Variants in ASIC2 observed in about 807,000 individuals in gnomAD.
The protein encoded by ASIC2 is acid-sensing ion channel 2.
In ASIC2, 25 loss-of-function variants were observed where a neutral mutation model predicts 57.3. That is an observed-to-expected ratio of 0.44 (90% confidence interval 0.32 to 0.61). The LOEUF is 0.61. ASIC2 is among the 20% of genes least tolerant of loss of function. The pLI is 0.06. For missense variants in ASIC2, 641 were observed against 738.1 expected (o/e 0.87, Z 1.52); for synonymous variants, 319 against 307.5 (o/e 1.04, Z -0.39).
chr17:33,758,076 CAT>C (rs1158007193), intron 1 of ASIC2, among the ~76,000 whole-genome samples: 1 of 152,220 alleles, frequency 6.6e-6, no homozygotes, highest in African/African-American at 2.4e-5. Context: ...TGATGAAACT[CAT>C]GACTTGCTGC....
At chr17:33,706,513 C>T (rs548680581) in intron 1 of ASIC2, among the ~76,000 whole-genome samples, 3 of 152,142 alleles carry the variant, frequency 2.0e-5, no homozygotes, top group South Asian at 2.1e-4. Context: ...TATCAGCCAC[C>T]GTGCCCAGCC....
At chr17:33,742,964 A>G (rs1004417060) in intron 1 of ASIC2, among the ~76,000 whole-genome samples, 3 of 152,184 alleles carry the variant, frequency 2.0e-5, no homozygotes, top group Admixed American at 1.3e-4. Flanking sequence ...GTATTTTTCC[A>G]GTTCCTGTTG....
At chr17:33,953,772 C>T (rs529725204) in intron 1 of ASIC2, among the ~76,000 whole-genome samples, 11 of 152,094 alleles carry the variant, frequency 7.2e-5, no homozygotes, top group South Asian at 6.2e-4. Context: ...GTGGCTTGGA[C>T]GGGAGAATGT....
chr17:34,090,037 C>T (rs551862757), intron 1 of ASIC2, among the ~76,000 whole-genome samples: 1 of 152,304 alleles, frequency 6.6e-6, no homozygotes, highest in Non-Finnish European at 1.5e-5. Context: ...CAGATCACAC[C>T]ACAGTCTGAT....
intron 1 of ASIC2, among the ~76,000 whole-genome samples, chr17:33,172,730 G>A (rs1335180673): frequency 6.6e-6 from 1 of 152,196 alleles, no homozygotes; most frequent in African/African-American, 2.4e-5. Flanking sequence ...GGTTCTCAAA[G>A]TGTGGCCCCC....
At chr17:34,041,837 C>T (rs1169177302) in intron 1 of ASIC2, among the ~76,000 whole-genome samples, 1 of 152,198 alleles carries the variant, frequency 6.6e-6, no homozygotes, top group Non-Finnish European at 1.5e-5. Context: ...TAGTCTTTCA[C>T]CTTTAATATT....
chr17:33,577,823 ACTCCTACC>A (rs939176466), intron 1 of ASIC2, among the ~76,000 whole-genome samples: 1 of 151,916 alleles, frequency 6.6e-6, no homozygotes, highest in African/African-American at 2.4e-5. Context: ...CATCCGTGAA[ACTCCTACC>A]CTTCTGCCTA....
chr17:33,139,113 T>C (rs1257016099), intron 1 of ASIC2, among the ~76,000 whole-genome samples: 1 of 152,208 alleles, frequency 6.6e-6, no homozygotes, highest in East Asian at 1.9e-4. Context: ...CTTTTGACTG[T>C]CAGAGTCTCC....
At chr17:33,855,817 G>A (rs755374754) in intron 1 of ASIC2, among the ~76,000 whole-genome samples, 25 of 152,174 alleles carry the variant, frequency 1.6e-4, no homozygotes, top group Non-Finnish European at 3.4e-4. Context: ...ACTCAGAATG[G>A]CCAACTCTAC....
chr17:33,785,014 C>T (rs963753019), intron 1 of ASIC2, among the ~76,000 whole-genome samples: 5 of 152,004 alleles, frequency 3.3e-5, no homozygotes, highest in Admixed American at 2.0e-4. Flanking sequence ...ATCACATTCC[C>T]CCAAAAATTC....
chr17:34,028,066 G>A (rs1284856361), intron 1 of ASIC2, among the ~76,000 whole-genome samples: 1 of 152,220 alleles, frequency 6.6e-6, no homozygotes, highest in African/African-American at 2.4e-5. Flanking sequence ...TTCACAGCTT[G>A]AAAAGAATGG....
At chr17:33,266,368 A>T (rs1909459283) in intron 1 of ASIC2, among the ~76,000 whole-genome samples, 1 of 152,240 alleles carries the variant, frequency 6.6e-6, no homozygotes. Context: ...TGCCTGATGA[A>T]AGAATGAAAA....
At position 33,220,387 on chromosome 17, in the gene ASIC2, C is replaced by G. The variant is rs1185788737; in HGVS notation, c.708+71021G>C. ...AGTGTGAAGGCCACTGTCATTTCCC[C>G]TAGAGTCTCCTGTTCTCCTTGCTAA... On this transcript the variant is annotated intron_variant, in intron 1 of 9. Coordinates refer to ENST00000225823, the MANE Select transcript of ASIC2 (RefSeq NM_183377.2). Among the ~76,000 whole-genome samples, 5 of 152,312 alleles carry G rather than the reference C, an allele frequency of 3.3e-5. No individual in the cohort carries two copies. The East Asian group carries it at 9.7e-4, about 29-fold the overall frequency.
At chr17:33,041,752 T>A (rs2091930543) in intron 3 of ASIC2, among the ~76,000 whole-genome samples, 1 of 152,182 alleles carries the variant, frequency 6.6e-6, no homozygotes, top group Admixed American at 6.5e-5. Flanking sequence ...GGCTCTACAA[T>A]GAGGTGGGCT....
intron 1 of ASIC2, among the ~76,000 whole-genome samples, chr17:33,712,635 GCT>G (rs1909077973): frequency 8.1e-6 from 1 of 123,320 alleles, no homozygotes; most frequent in African/African-American, 3.2e-5. Context: ...TACTCATATG[GCT>G]TTTTTTTTTT....
At chr17:33,606,421 G>A (rs764700082) in intron 1 of ASIC2, among the ~76,000 whole-genome samples, 3 of 152,188 alleles carry the variant, frequency 2.0e-5, no homozygotes, top group Admixed American at 6.5e-5. Flanking sequence ...TTCCAGGTGT[G>A]AAGCTTGGGG....
rs556578291 is a variant in ASIC2 at position 34,039,931 on chromosome 17, G to C, written c.555+116047C>G. On this transcript the variant is annotated intron_variant, in intron 1 of 9. Transcript: ENST00000359872. ...CTCCTCCCTGGAGGGACCCCGACCC[G>C]ACCCGGCTGCGGACCGCTCCGCTCT... is the stretch of plus-strand genomic sequence containing the variant. 9.5e-5 allele frequency: 138 copies of C among 1,452,868 alleles called. No individual in the cohort carries two copies. In the African/African-American group the frequency reaches 1.8e-3, roughly 19 times the overall value. The allele number at this position is 1,452,868 out of a possible 1,614,324, so 90.0% of individuals were successfully genotyped here.
intron 1 of ASIC2, chr17:33,692,194 A>C (rs1159866520): frequency 6.6e-6 from 1 of 152,122 alleles, no homozygotes; most frequent in African/African-American, 2.4e-5. Flanking sequence ...CCTGCACCCC[A>C]AAAAATGTTG....
rs35302745 is a variant in ASIC2, at chr17:33,582,977, G to A, written c.556-470910C>T. ...ATCAGCAAATAACGTTACTAATGCT[G>A]CAAATGAGTGGGGCTGGGTGGGGTT... On this transcript the variant is annotated intron_variant, in intron 1 of 9. Coordinates refer to the ASIC2 transcript ENST00000359872. Among the ~76,000 whole-genome samples the A allele has an allele frequency of 6.8e-3, 1,031 of 151,810 alleles. 4 individuals are homozygous for A. Among genetic ancestry groups the A allele is most frequent in the African/African-American group, 0.019 (792 of 41,474 alleles).
Sources: allele counts gnomAD v4.1 joint callset (sites outside exome capture counted in the v4.1 genomes callset), GRCh38; gene constraint gnomAD v4.1.1; transcripts MANE v1.5; gene names NCBI Gene and HGNC (gene_info 2026-07-23, HGNC 2026-07-21).